SERINC3: variants seen among roughly 807,000 people sequenced by gnomAD.
The protein encoded by SERINC3 is tumor differentially expressed protein 1.
Under a neutral mutation model 52.1 loss-of-function variants are expected in SERINC3, and 22 were observed. The observed-to-expected ratio is 0.42, with a 90% CI of 0.30 to 0.60. SERINC3 has a LOEUF of 0.60. SERINC3 is among the 20% of genes least tolerant of loss of function. The pLI is 0.16. For synonymous variants in SERINC3, 226 were observed against 212.7 expected (o/e 1.06, Z -0.54); for missense variants, 564 against 584.6 (o/e 0.96, Z 0.36).
intron 2 of SERINC3, among the ~76,000 whole-genome samples, chr20:44,513,549 G>C (rs1424276475): frequency 2.6e-5 from 4 of 152,152 alleles, no homozygotes; most frequent in Non-Finnish European, 4.4e-5. Flanking sequence ...ACTTTCCTGT[G>C]AGATTTTCCA....
intron 3 of SERINC3, 44 bp downstream of exon 3, chr20:44,512,757 G>C: frequency 6.8e-7 from 1 of 1,462,786 alleles, no homozygotes; most frequent in Non-Finnish European, 9.1e-7. Flanking sequence ...AGGGAAGGAA[G>C]AGCCACACCA....
At chr20:44,500,836 T>A (rs1283814688) in intron 9 of SERINC3, among the ~76,000 whole-genome samples, 4 of 152,226 alleles carry the variant, frequency 2.6e-5, no homozygotes, top group Non-Finnish European at 5.9e-5. Context: ...TGGGTCAGAT[T>A]GCTTTATGTC....
intron 1 of SERINC3, among the ~76,000 whole-genome samples, 157 bp downstream of exon 1, chr20:44,521,756 G>T (rs1036442448): frequency 6.6e-6 from 1 of 152,260 alleles, no homozygotes; most frequent in Non-Finnish European, 1.5e-5. Context: ...GGACCTGAGG[G>T]TATCGCGGAT....
Position 44,519,300 on chromosome 20 carries a change from G to A in SERINC3, c.39+2613C>T, listed in dbSNP as rs34119254. 858 of 247,036 alleles carry A rather than the reference G, an allele frequency of 3.5e-3. 2 individuals carry two copies. Among genetic ancestry groups the A allele is most frequent in the Non-Finnish European group, 4.1e-3 (632 of 155,018 alleles). The allele number at this position is 247,036 out of a possible 1,614,324, so 15.3% of individuals were successfully genotyped here. ...TAAGAGTAAAAGCCGGGCAAGACGC[G>A]GTGGCTCACACCTGTAATCCAAGCA... On this transcript the variant is annotated intron_variant, in intron 1 of 9. Transcript: ENST00000342374.
At position 44,512,787 on chromosome 20, in the gene SERINC3, T is replaced by C; in HGVS notation, c.395+14A>G. 6.5e-7 allele frequency: 1 copy of C among 1,544,778 alleles called. No homozygotes were observed. Among genetic ancestry groups the C allele is most frequent in the Non-Finnish European group, 8.6e-7 (1 of 1,156,358 alleles). On this transcript the variant is annotated intron_variant, in intron 3 of 9. Coordinates refer to ENST00000342374, the MANE Select transcript of SERINC3 (RefSeq NM_006811.4). ...ACACCATAATGTAACCAGTTAATCA[T>C]AAATCTAACATACCCATTGTGTACT...
rs2064263247 is a variant in SERINC3, at chr20:44,498,856, T to C, written c.*1440A>G. 1 of 152,210 alleles carries C rather than the reference T, an allele frequency of 6.6e-6. No homozygotes were observed. The highest frequency in any genetic ancestry group is 2.1e-4 in the South Asian group (1 of 4,826). 9.4% of individuals were successfully genotyped at this position (152,210 alleles called of 1,614,324 possible). Reference sequence around the variant, plus strand: ...CTTTAAAATTCAGTCCCTGACTACATTTCCCCATTCCAGCTTTACTGAACT... The same window carrying C: ...CTTTAAAATTCAGTCCCTGACTACACTTCCCCATTCCAGCTTTACTGAACT... On this transcript the variant is annotated 3_prime_UTR_variant, in exon 10 of 10. Coordinates refer to ENST00000342374, the MANE Select transcript of SERINC3 (RefSeq NM_006811.4).
chr20:44,519,042 G>A (rs189724519), intron 1 of SERINC3, among the ~76,000 whole-genome samples: 121 of 151,368 alleles, frequency 8.0e-4, no homozygotes, highest in Non-Finnish European at 5.3e-4. Flanking sequence ...ACTCCTGTGT[G>A]TACATGTCTT....
chr20:44,497,997 G>A lies in SERINC3; in HGVS notation c.*2299C>T, dbSNP rs2064257545. On this transcript the variant is annotated 3_prime_UTR_variant, in exon 10 of 10. Coordinates refer to ENST00000342374, the MANE Select transcript of SERINC3 (RefSeq NM_006811.4). Reference sequence around the variant, plus strand: ...TTGTACACTAGGCACCAACACTGAGGCTCAGCTGCCTGTGGTCATAAATCA... The same window carrying A: ...TTGTACACTAGGCACCAACACTGAGACTCAGCTGCCTGTGGTCATAAATCA... 1.3e-5 allele frequency: 2 copies of A among 152,160 alleles called. No homozygotes were observed. The highest frequency in any genetic ancestry group is 4.1e-4 in the South Asian group (2 of 4,826). 9.4% of individuals were successfully genotyped at this position (152,160 alleles called of 1,614,324 possible). A position where few individuals can be genotyped will look rare whatever the true frequency, so the allele number is the denominator to read the frequency against.
chr20:44,514,600 A>T lies in SERINC3; in HGVS notation c.40-560T>A, dbSNP rs920261797. Reference sequence around the variant, plus strand: ...CGGTGAAACCCTGTCTCTACTAAAAATACAGAAAAAATTAGCCGGGTGTGG... The same window carrying T: ...CGGTGAAACCCTGTCTCTACTAAAATTACAGAAAAAATTAGCCGGGTGTGG... On this transcript the variant is annotated intron_variant, in intron 1 of 9. Coordinates refer to ENST00000342374, the MANE Select transcript of SERINC3 (RefSeq NM_006811.4). 2.0e-4 allele frequency among the ~76,000 whole-genome samples: 31 copies of T among 152,128 alleles called. 1 individual carries two copies. Among genetic ancestry groups the T allele is most frequent in the African/African-American group, 7.2e-4 (30 of 41,428 alleles).
At chr20:44,520,134 A>C (rs2064406453) in intron 1 of SERINC3, among the ~76,000 whole-genome samples, 2 of 152,214 alleles carry the variant, frequency 1.3e-5, no homozygotes, top group Non-Finnish European at 2.9e-5. Flanking sequence ...AGTTCAGAAG[A>C]ACTTTTGGCT....
At chr20:44,509,221 T>C (rs913372248) in intron 5 of SERINC3, among the ~76,000 whole-genome samples, 1 of 152,162 alleles carries the variant, frequency 6.6e-6, no homozygotes, top group Non-Finnish European at 1.5e-5. Context: ...ATAGCAGGTA[T>C]GGGGCCCCTC....
intron 5 of SERINC3, among the ~76,000 whole-genome samples, chr20:44,508,728 T>C (rs940949145): frequency 6.6e-6 from 1 of 152,182 alleles, no homozygotes; most frequent in Admixed American, 6.5e-5. Context: ...ATATTCATCA[T>C]GTAGGAAGTG....
chr20:44,510,829 T>C (rs993721406), intron 4 of SERINC3, among the ~76,000 whole-genome samples: 25 of 151,852 alleles, frequency 1.6e-4, no homozygotes, highest in African/African-American at 5.8e-4. Context: ...ATATATATAG[T>C]GAGTTGCAGG....
intron 6 of SERINC3, among the ~76,000 whole-genome samples, 186 bp downstream of exon 6, chr20:44,506,637 GTTTT>G (rs72534903): frequency 2.9e-5 from 4 of 138,396 alleles, no homozygotes; most frequent in Non-Finnish European, 4.6e-5. Flanking sequence ...AGTTACCTGG[GTTTT>G]TTTTTAATGA....
At chr20:44,520,439 A>C (rs749307766) in intron 1 of SERINC3, among the ~76,000 whole-genome samples, 2 of 152,208 alleles carry the variant, frequency 1.3e-5, no homozygotes, top group Non-Finnish European at 2.9e-5. Flanking sequence ...AAAGAAGAAA[A>C]TCATGTCCTT....
chr20:44,521,602 G>A (rs896513446), intron 1 of SERINC3, among the ~76,000 whole-genome samples: 12 of 152,214 alleles, frequency 7.9e-5, no homozygotes, highest in African/African-American at 2.7e-4. Context: ...GCCCCTCGCT[G>A]GGAGCTGTCA....
chr20:44,503,530 C>T (rs972227710), intron 8 of SERINC3, among the ~76,000 whole-genome samples: 14 of 152,184 alleles, frequency 9.2e-5, no homozygotes, highest in African/African-American at 3.4e-4. Context: ...TGCCTGTAAT[C>T]TCAGCTACTT....
At chr20:44,520,195 G>A (rs1204691745) in intron 1 of SERINC3, among the ~76,000 whole-genome samples, 1 of 152,136 alleles carries the variant, frequency 6.6e-6, no homozygotes, top group Admixed American at 6.5e-5. Context: ...GGCCAACATG[G>A]CGAAATCCCG....
intron 1 of SERINC3, chr20:44,519,205 C>T (rs1159875182): frequency 2.6e-5 from 4 of 152,572 alleles, no homozygotes; most frequent in African/African-American, 9.7e-5. Flanking sequence ...CCAGAAACCA[C>T]CTCGTTAAAA....
Sources: gnomAD v4.1 joint callset for allele counts (sites outside exome capture counted in the v4.1 genomes callset) on GRCh38, gnomAD v4.1.1 for gene constraint, MANE v1.5 for transcripts, NCBI Gene and HGNC (gene_info 2026-07-23, HGNC 2026-07-21) for gene names.